The following NALF1 variants were observed in gnomAD, a reference collection of about 807,000 sequenced individuals.
The protein encoded by NALF1 is NALCN channel auxiliary factor 1.
Under a neutral mutation model 48.4 loss-of-function variants are expected in NALF1, and 3 were observed. The observed-to-expected ratio is 0.06, with a 90% CI of 0.03 to 0.16. NALF1 has a LOEUF of 0.16. Ranked by LOEUF, NALF1 falls within the 10% of genes least tolerant of loss-of-function variation. NALF1 has a pLI of 1.00. For missense variants in NALF1, 526 were observed against 571.5 expected, an observed-to-expected ratio of 0.92 and a Z score of 0.81; for synonymous variants, 262 against 245.7, an observed-to-expected ratio of 1.07 and a Z score of -0.62.
At chr13:107,239,180 CAACT>C (rs1330163546) in intron 1 of NALF1, among the ~76,000 whole-genome samples, 2 of 152,046 alleles carry the variant, frequency 1.3e-5, no homozygotes, top group Admixed American at 6.6e-5. Flanking sequence ...TGCTGTAATC[CAACT>C]GAGTGACTTA....
At chr13:107,635,770 G>T (rs2138452920) in intron 1 of NALF1, among the ~76,000 whole-genome samples, 1 of 152,252 alleles carries the variant, frequency 6.6e-6, no homozygotes, top group South Asian at 2.1e-4. Flanking sequence ...CTTAACGTTA[G>T]TTGCAGTTAT....
chr13:107,772,092 T>C (rs1006904739), intron 1 of NALF1, among the ~76,000 whole-genome samples: 1 of 152,072 alleles, frequency 6.6e-6, no homozygotes, highest in African/African-American at 2.4e-5. Context: ...TTAAGAAAAT[T>C]AATCCTCTAT....
At chr13:107,263,136 T>C (rs573650829) in intron 1 of NALF1, among the ~76,000 whole-genome samples, 5 of 152,126 alleles carry the variant, frequency 3.3e-5, no homozygotes, top group Admixed American at 6.5e-5. Flanking sequence ...CTTCAGTCTG[T>C]TCCTGACCAA....
At chr13:107,207,615 A>C (rs1048205625) in intron 2 of NALF1, among the ~76,000 whole-genome samples, 10 of 152,150 alleles carry the variant, frequency 6.6e-5, no homozygotes, top group Admixed American at 6.5e-4. Context: ...ACAGGAGTAG[A>C]AATCTCCTTG....
At chr13:107,176,408 C>T (rs907292805) in intron 2 of NALF1, among the ~76,000 whole-genome samples, 14 of 145,210 alleles carry the variant, frequency 9.6e-5, no homozygotes, top group Non-Finnish European at 1.8e-4. Context: ...TTTGGGAGGT[C>T]GAGGCAGGCA....
chr13:107,745,807 G>A (rs75859422), intron 1 of NALF1, among the ~76,000 whole-genome samples: 4,056 of 152,216 alleles, frequency 0.027, 203 homozygotes, highest in African/African-American at 0.094. Context: ...ACAATAGTGA[G>A]TGAGTTCTCA....
chr13:107,605,859 C>T (rs928971864), intron 1 of NALF1, among the ~76,000 whole-genome samples: 10 of 152,192 alleles, frequency 6.6e-5, no homozygotes, highest in African/African-American at 2.2e-4. Flanking sequence ...CCTGTTCCCA[C>T]GCTGAGAAGC....
chr13:107,536,418 G>C (rs1166596836), intron 1 of NALF1, among the ~76,000 whole-genome samples: 4 of 152,220 alleles, frequency 2.6e-5, no homozygotes, highest in Non-Finnish European at 5.9e-5. Flanking sequence ...AGTGGGCAAA[G>C]GATATGAACA....
chr13:107,423,626 TGAG>T (rs899681018), intron 1 of NALF1, among the ~76,000 whole-genome samples: 10 of 152,024 alleles, frequency 6.6e-5, no homozygotes, highest in Admixed American at 1.3e-4. Flanking sequence ...AAGAGAAAAA[TGAG>T]GAGACAGAGA....
At chr13:107,595,428 A>C (rs1474194830) in intron 1 of NALF1, among the ~76,000 whole-genome samples, 2 of 152,262 alleles carry the variant, frequency 1.3e-5, no homozygotes, top group East Asian at 3.9e-4. Context: ...TACTGATGGC[A>C]CTAGAAACAC....
intron 1 of NALF1, among the ~76,000 whole-genome samples, chr13:107,658,889 G>T (rs1163601785): frequency 1.3e-5 from 2 of 151,896 alleles, no homozygotes; most frequent in Non-Finnish European, 2.9e-5. Flanking sequence ...TACTCAGATT[G>T]TTTGTTCAGT....
At chr13:107,243,446 T>C (rs1566462170) in intron 1 of NALF1, among the ~76,000 whole-genome samples, 2 of 152,200 alleles carry the variant, frequency 1.3e-5, no homozygotes, top group Non-Finnish European at 1.5e-5. Flanking sequence ...AGGGCACGTA[T>C]CACAATGCAT....
At chr13:107,436,940 A>T (rs1350264229) in intron 1 of NALF1, among the ~76,000 whole-genome samples, 1 of 152,190 alleles carries the variant, frequency 6.6e-6, no homozygotes, top group Non-Finnish European at 1.5e-5. Context: ...GACTATATTA[A>T]GAATATAAAT....
intron 1 of NALF1, among the ~76,000 whole-genome samples, chr13:107,441,236 C>T (rs1333957841): frequency 6.6e-6 from 1 of 152,124 alleles, no homozygotes; most frequent in Non-Finnish European, 1.5e-5. Flanking sequence ...ACTGTTGGTC[C>T]AACCAACAGA....
At chr13:107,818,226 C>T (rs1566494090) in intron 1 of NALF1, among the ~76,000 whole-genome samples, 1 of 152,114 alleles carries the variant, frequency 6.6e-6, no homozygotes, top group East Asian at 1.9e-4. Flanking sequence ...GTTAGACACA[C>T]GGAGGGGCTG....
chr13:107,667,334 A>G (rs1050870018), intron 1 of NALF1, among the ~76,000 whole-genome samples: 4 of 152,022 alleles, frequency 2.6e-5, no homozygotes, highest in African/African-American at 9.7e-5. Flanking sequence ...AAGTCACCAA[A>G]TCCTCCTATA....
At chr13:107,709,213 T>A (rs1398450884) in intron 1 of NALF1, among the ~76,000 whole-genome samples, 1 of 152,172 alleles carries the variant, frequency 6.6e-6, no homozygotes, top group Non-Finnish European at 1.5e-5. Context: ...GTCACTTAGA[T>A]CTAGATTCAC....
intron 1 of NALF1, among the ~76,000 whole-genome samples, chr13:107,316,271 C>T (rs1267913210): frequency 6.6e-6 from 1 of 152,116 alleles, no homozygotes; most frequent in African/African-American, 2.4e-5. Context: ...TGTATATGTG[C>T]CACATTTTCT....
chr13:107,584,374 T>C (rs1878395658), intron 1 of NALF1, among the ~76,000 whole-genome samples: 1 of 152,190 alleles, frequency 6.6e-6, no homozygotes, highest in African/African-American at 2.4e-5. Flanking sequence ...GAAAGTATTT[T>C]AATGCATGCC....
Sources: gnomAD v4.1 joint callset for allele counts (sites outside exome capture counted in the v4.1 genomes callset) on GRCh38, gnomAD v4.1.1 for gene constraint, MANE v1.5 for transcripts, NCBI Gene and HGNC (gene_info 2026-07-23, HGNC 2026-07-21) for gene names.